Variants in ANKRD30B observed in about 807,000 individuals in gnomAD.
The protein encoded by ANKRD30B is ankyrin repeat domain-containing protein 30B.
A neutral mutation model predicts 202.2 loss-of-function variants in ANKRD30B; 144 were observed. That is an observed-to-expected ratio of 0.71 (90% confidence interval 0.62 to 0.82). The LOEUF (loss-of-function observed/expected upper bound fraction) is 0.82, where lower values mean the gene tolerates loss of function less well. Among genes scored for constraint, ANKRD30B ranks in the 40% least tolerant of loss-of-function variants. The probability of loss-of-function intolerance (pLI) is 0.00; values close to 1 mark genes in which losing one functional copy is unlikely to be tolerated. For missense variants in ANKRD30B, 1,487 were observed against 1,669.1 expected (o/e 0.89, Z 1.90); for synonymous variants, 508 against 561.3 (o/e 0.91, Z 1.34).
the ANKRD30B span, among the ~76,000 whole-genome samples, chr18:14,900,018 A>T: frequency 6.6e-6 from 1 of 152,252 alleles, no homozygotes; most frequent in East Asian, 1.9e-4. Context: ...GTGTTTGTGG[A>T]GGCACTCAAA....
chr18:14,852,093 A>G lies in ANKRD30B; in HGVS notation c.4149A>G (p.Ala1383=), dbSNP rs1971908300. ...AAAATGCATTGGTTTCAGAACATGCACAAAGAGACCGATGTGAAACACAGT... is the reference window on the plus strand; with the variant it reads ...AAAATGCATTGGTTTCAGAACATGCGCAAAGAGACCGATGTGAAACACAGT... ...LRENALVSEH[A]QRDRCETQCQ... is the part of the protein sequence containing the mutation. Residue 1383 remains alanine (A), a synonymous_variant, in exon 42 of 44, where the codon GCA becomes GCG. Coordinates refer to ENST00000690538, the MANE Select transcript of ANKRD30B (RefSeq NM_001367607.2). 6.2e-7 allele frequency: 1 copy of G among 1,609,572 alleles called. No homozygotes were observed. The highest frequency in any genetic ancestry group is 1.3e-5 in the African/African-American group (1 of 74,638).
intron 7 of ANKRD30B, among the ~76,000 whole-genome samples, chr18:14,768,282 G>A (rs749617641): frequency 2.0e-5 from 3 of 152,324 alleles, no homozygotes; most frequent in Non-Finnish European, 2.9e-5. Flanking sequence ...GGGCATGGAA[G>A]CTCCATGCCC....
rs1478069007 is a variant in ANKRD30B at position 14,842,929 on chromosome 18, T to C, written c.3108+4T>C. Reference sequence around the variant, plus strand: ...TGAAAAGCCTTCTCACTTTGAGGTATTGAGTTTTATAATTTTATCTTGCAT... The same window carrying C: ...TGAAAAGCCTTCTCACTTTGAGGTACTGAGTTTTATAATTTTATCTTGCAT... On this transcript the variant is annotated splice_donor_region_variant and intron_variant, in intron 38 of 43. Coordinates refer to ENST00000690538, the MANE Select transcript of ANKRD30B (RefSeq NM_001367607.2). 1 of 1,545,814 alleles carries C rather than the reference T, an allele frequency of 6.5e-7. No individual in the cohort carries two copies. Among genetic ancestry groups the C allele is most frequent in the Non-Finnish European group, 8.7e-7 (1 of 1,143,282 alleles).
At chr18:14,914,464 C>T in the ANKRD30B span, among the ~76,000 whole-genome samples, 5 of 152,112 alleles carry the variant, frequency 3.3e-5, no homozygotes, top group Admixed American at 6.5e-5. Context: ...GGGAACAGGG[C>T]CCTTGCTCCT....
At chr18:14,806,295 A>T (rs1301432919) in intron 24 of ANKRD30B, among the ~76,000 whole-genome samples, 1 of 150,826 alleles carries the variant, frequency 6.6e-6, no homozygotes, top group African/African-American at 2.5e-5. Flanking sequence ...CTTCATGGTG[A>T]CTAAAAAGCA....
intron 10 of ANKRD30B, 136 bp downstream of exon 10, chr18:14,778,211 T>G (rs138005392): frequency 1.6e-6 from 1 of 638,964 alleles, no homozygotes; most frequent in African/African-American, 1.9e-5. Context: ...GTGAAAGTTA[T>G]GTGTCTTCTC....
At chr18:14,806,588 A>T (rs1969535066) in intron 24 of ANKRD30B, among the ~76,000 whole-genome samples, 1 of 149,932 alleles carries the variant, frequency 6.7e-6, no homozygotes, top group Admixed American at 6.6e-5. Flanking sequence ...AACTTCAGGG[A>T]TAATCAGATC....
rs147162740 is a variant in ANKRD30B at position 14,841,280 on chromosome 18, A to G, written c.3079+602A>G. On this transcript the variant is annotated intron_variant, in intron 37 of 43. Coordinates refer to ENST00000690538, the MANE Select transcript of ANKRD30B (RefSeq NM_001367607.2). The stretch of plus-strand genomic sequence containing the variant: ...AGACGAGAAGTTTTCACACTTTAGA[A>G]AATCAGCTGAATACCTTGTTAACAA... Among the ~76,000 whole-genome samples, 25 of 152,340 alleles carry G rather than the reference A, an allele frequency of 1.6e-4. No individual in the cohort carries two copies. The East Asian group carries it at 4.8e-3, about 29-fold the overall frequency.
At chr18:14,869,666 C>T in the ANKRD30B span, among the ~76,000 whole-genome samples, 1 of 151,066 alleles carries the variant, frequency 6.6e-6, no homozygotes, top group South Asian at 2.1e-4. Flanking sequence ...TTAGCTGCTA[C>T]ATTGCAGGTA....
the ANKRD30B span, among the ~76,000 whole-genome samples, chr18:14,917,799 A>G: frequency 1.3e-5 from 2 of 152,230 alleles, no homozygotes; most frequent in Non-Finnish European, 2.9e-5. Flanking sequence ...TGTAAGCAAA[A>G]GAAAAGCTGA....
chr18:14,855,341 C>A (rs1197555147), downstream of ANKRD30B, among the ~76,000 whole-genome samples: 1 of 152,054 alleles, frequency 6.6e-6, no homozygotes, highest in African/African-American at 2.4e-5. Flanking sequence ...GATCTCTCTT[C>A]CTTTTCCCCA....
At chr18:14,875,291 G>A in the ANKRD30B span, among the ~76,000 whole-genome samples, 1 of 152,154 alleles carries the variant, frequency 6.6e-6, no homozygotes, top group East Asian at 1.9e-4. Context: ...GAAGCTACAT[G>A]GCCATGTCAG....
the ANKRD30B span, among the ~76,000 whole-genome samples, chr18:14,861,137 G>A: frequency 5.9e-5 from 9 of 152,250 alleles, no homozygotes; most frequent in South Asian, 2.1e-4. Context: ...AGTTTGGCTC[G>A]TGAAAATAAA....
At chr18:14,764,480 G>A (rs1325002174) in intron 7 of ANKRD30B, among the ~76,000 whole-genome samples, 5 of 152,018 alleles carry the variant, frequency 3.3e-5, no homozygotes, top group East Asian at 1.9e-4. Context: ...TGCAACCTGC[G>A]TCTCCTGGGT....
intron 15 of ANKRD30B, among the ~76,000 whole-genome samples, chr18:14,788,697 A>C (rs1305492127): frequency 6.6e-6 from 1 of 151,952 alleles, no homozygotes; most frequent in Non-Finnish European, 1.5e-5. Context: ...TTCCAATTTC[A>C]TCCATGTCCC....
intron 8 of ANKRD30B, among the ~76,000 whole-genome samples, chr18:14,770,470 T>C (rs1381327407): frequency 6.6e-6 from 1 of 151,988 alleles, no homozygotes; most frequent in Non-Finnish European, 1.5e-5. Context: ...GTTTGAATAA[T>C]AGGAAGAGGG....
the ANKRD30B span, among the ~76,000 whole-genome samples, chr18:14,888,421 TAAA>T: frequency 6.6e-6 from 1 of 152,040 alleles, no homozygotes; most frequent in Non-Finnish European, 1.5e-5. Context: ...TAAATTAATT[TAAA>T]AAAATCACTA....
Position 14,810,029 on chromosome 18 carries a change from A to G in ANKRD30B, c.2415+15A>G, listed in dbSNP as rs771325826. On this transcript the variant is annotated intron_variant, in intron 27 of 43. Transcript: ENST00000690538. The stretch of plus-strand genomic sequence containing the variant: ...GTCTTCTGAAGGTAATAACTTTTAT[A>G]TTTTTATCTTGAATATTACCTACAT... 11 of 1,445,944 alleles carry G rather than the reference A, an allele frequency of 7.6e-6. No homozygotes were observed. The East Asian group carries it at 2.6e-4, about 34-fold the overall frequency. The allele number at this position is 1,445,944 out of a possible 1,614,324, so 89.6% of individuals were successfully genotyped here. A position where few individuals can be genotyped will look rare whatever the true frequency, so the allele number is the denominator to read the frequency against.
At chr18:14,785,012 G>T (rs1967995130) in intron 14 of ANKRD30B, among the ~76,000 whole-genome samples, 1 of 152,058 alleles carries the variant, frequency 6.6e-6, no homozygotes, top group Non-Finnish European at 1.5e-5. Context: ...GTGTGTTTGT[G>T]TTTGTGTGTG....
Sources: gnomAD v4.1 joint callset for allele counts (sites outside exome capture counted in the v4.1 genomes callset) on GRCh38, gnomAD v4.1.1 for gene constraint, MANE v1.5 for transcripts, NCBI Gene and HGNC (gene_info 2026-07-23, HGNC 2026-07-21) for gene names.